Variants in SAMD3 observed in about 807,000 individuals in gnomAD.
The protein encoded by SAMD3 is sterile alpha motif domain containing 3.
Under a neutral mutation model 58.5 loss-of-function variants are expected in SAMD3, and 63 were observed. The observed-to-expected ratio is 1.08, with a 90% CI of 0.88 to 1.33. SAMD3 has a LOEUF of 1.33. SAMD3 is among the 40% of genes most tolerant of loss of function. The pLI is 0.00. For synonymous variants in SAMD3, 220 were observed against 210.3 expected, an observed-to-expected ratio of 1.05 and a Z score of -0.40; for missense variants, 604 against 608.4, an observed-to-expected ratio of 0.99 and a Z score of 0.08.
chr6:130,267,548 T>C (rs138546992), intron 2 of SAMD3, among the ~76,000 whole-genome samples: 55 of 152,244 alleles, frequency 3.6e-4, no homozygotes, highest in African/African-American at 1.3e-3. Context: ...TATATTGTTT[T>C]ATACTCAGAA....
intron 8 of SAMD3, among the ~76,000 whole-genome samples, chr6:130,155,429 C>T (rs944298628): frequency 2.0e-5 from 3 of 151,832 alleles, no homozygotes; most frequent in African/African-American, 7.3e-5. Context: ...TTTTAAATGC[C>T]TTTTTATAGC....
chr6:130,301,498 C>T (rs1247858254), intron 2 of SAMD3, among the ~76,000 whole-genome samples: 1 of 152,084 alleles, frequency 6.6e-6, no homozygotes, highest in East Asian at 1.9e-4. Context: ...TTAAAATGAC[C>T]ATACTGCCCA....
intron 2 of SAMD3, among the ~76,000 whole-genome samples, chr6:130,295,678 C>G (rs1775545866): frequency 1.3e-5 from 2 of 152,152 alleles, no homozygotes; most frequent in African/African-American, 4.8e-5. Context: ...CCATATTAAT[C>G]AGTGATCCTT....
At chr6:130,280,739 T>G (rs978199266) in intron 2 of SAMD3, among the ~76,000 whole-genome samples, 3 of 152,204 alleles carry the variant, frequency 2.0e-5, no homozygotes, top group Non-Finnish European at 4.4e-5. Context: ...GGGACAGGAG[T>G]TATCTAAAGA....
chr6:130,290,385 T>C (rs778664104), intron 2 of SAMD3, among the ~76,000 whole-genome samples: 1 of 152,200 alleles, frequency 6.6e-6, no homozygotes, highest in African/African-American at 2.4e-5. Flanking sequence ...AACCTCAGTC[T>C]TTGCTCTTAA....
intron 2 of SAMD3, among the ~76,000 whole-genome samples, chr6:130,292,860 T>C (rs1051710813): frequency 6.8e-6 from 1 of 146,194 alleles, no homozygotes; most frequent in East Asian, 2.1e-4. Flanking sequence ...CCTCGTGATC[T>C]GCCCGCCTCG....
intron 2 of SAMD3, among the ~76,000 whole-genome samples, chr6:130,285,849 A>G (rs971673728): frequency 1.6e-4 from 24 of 152,314 alleles, no homozygotes; most frequent in African/African-American, 5.3e-4. Context: ...CCAAGATTTC[A>G]TAGTTTAGGA....
chr6:130,352,928 T>C (rs1032312582), intron 1 of SAMD3, among the ~76,000 whole-genome samples: 8 of 152,240 alleles, frequency 5.3e-5, no homozygotes, highest in African/African-American at 1.9e-4. Flanking sequence ...ACCAAAATAT[T>C]GGAAGGAGTT....
chr6:130,223,045 C>G (rs1419580593), upstream of SAMD3: 1 of 152,210 alleles, frequency 6.6e-6, no homozygotes, highest in African/African-American at 2.4e-5. Context: ...GAAGAAGATT[C>G]TGACAAGTGT....
At position 130,183,571 on chromosome 6, in the gene SAMD3, C is replaced by T. The variant is rs1407271782; in HGVS notation, c.654+532G>A. 1.1e-5 allele frequency: 4 copies of T among 364,224 alleles called. No individual in the cohort carries two copies. In the Admixed American group the frequency reaches 1.5e-4, roughly 14 times the overall value. The allele number at this position is 364,224 out of a possible 1,614,324, so 22.6% of individuals were successfully genotyped here. A position where few individuals can be genotyped will look rare whatever the true frequency, so the allele number is the denominator to read the frequency against. Reference sequence around the variant, plus strand: ...TTCTATGTGTCACATCTCCTAAAGACCCTTCCTAACCCTTAAAACCCTTAA... The same window carrying T: ...TTCTATGTGTCACATCTCCTAAAGATCCTTCCTAACCCTTAAAACCCTTAA... On this transcript the variant is annotated intron_variant, in intron 7 of 11. Transcript: ENST00000439090.
chr6:130,264,047 G>A (rs1248135460), intron 2 of SAMD3, among the ~76,000 whole-genome samples: 1 of 152,224 alleles, frequency 6.6e-6, no homozygotes, highest in Non-Finnish European at 1.5e-5. Flanking sequence ...GCAAATGCCT[G>A]GTTAAAATGG....
At chr6:130,153,666 T>TATATATATATATATATATATATC (rs58896049) in intron 9 of SAMD3, among the ~76,000 whole-genome samples, 10 of 91,156 alleles carry the variant, frequency 1.1e-4, no homozygotes, top group Non-Finnish European at 2.1e-4. Flanking sequence ...ATATATATAT[T>TATATATATATATATATATATATC]TATTTATTTA....
At chr6:130,293,114 A>G (rs1470050450) in intron 2 of SAMD3, among the ~76,000 whole-genome samples, 7 of 152,190 alleles carry the variant, frequency 4.6e-5, no homozygotes, top group Non-Finnish European at 1.0e-4. Context: ...AGAGTTCACA[A>G]TTTGGTTAAC....
intron 2 of SAMD3, among the ~76,000 whole-genome samples, chr6:130,261,754 C>G (rs1022967469): frequency 6.6e-6 from 1 of 152,154 alleles, no homozygotes; most frequent in Admixed American, 6.5e-5. Flanking sequence ...AATAGACCAG[C>G]CAGCATTAGA....
intron 9 of SAMD3, among the ~76,000 whole-genome samples, chr6:130,148,887 C>A (rs568046234): frequency 2.8e-4 from 43 of 152,036 alleles, no homozygotes; most frequent in Non-Finnish European, 4.9e-4. Flanking sequence ...CCAAAAAAAA[C>A]CAAGATTTCA....
intron 3 of SAMD3, 86 bp from the exon 4 acceptor site, chr6:130,214,612 A>C: frequency 1.1e-6 from 1 of 904,568 alleles, no homozygotes; most frequent in Non-Finnish European, 1.6e-6. Flanking sequence ...CTCTAGTGAT[A>C]AAAGGATCAT....
At chr6:130,265,932 T>C (rs1489979326) in intron 2 of SAMD3, among the ~76,000 whole-genome samples, 2 of 152,142 alleles carry the variant, frequency 1.3e-5, no homozygotes, top group Middle Eastern at 3.2e-3. Flanking sequence ...TAAAAATAAA[T>C]GTGGATACTG....
At chr6:130,184,388 C>T (rs1230201851) in intron 6 of SAMD3, 50 bp downstream of exon 6, 2 of 1,566,324 alleles carry the variant, frequency 1.3e-6, no homozygotes, top group Non-Finnish European at 1.7e-6. Flanking sequence ...CTACTCTATT[C>T]TGAAACAGAC....
intron 2 of SAMD3, among the ~76,000 whole-genome samples, chr6:130,296,666 C>T (rs1439370470): frequency 6.6e-6 from 1 of 152,116 alleles, no homozygotes; most frequent in Non-Finnish European, 1.5e-5. Context: ...CTCCCCATCC[C>T]TAGTCCCTAT....
Sources: gnomAD v4.1 joint callset for allele counts (sites outside exome capture counted in the v4.1 genomes callset) on GRCh38, gnomAD v4.1.1 for gene constraint, MANE v1.5 for transcripts, NCBI Gene and HGNC (gene_info 2026-07-23, HGNC 2026-07-21) for gene names.